CAMK2D: variants seen among roughly 807,000 people sequenced by gnomAD.
The protein encoded by CAMK2D is calcium/calmodulin-dependent protein kinase type II subunit delta.
In CAMK2D, 37 loss-of-function variants were observed where a neutral mutation model predicts 84.0. That is an observed-to-expected ratio of 0.44 (90% CI 0.34 to 0.58). The LOEUF is 0.58. Among genes scored for constraint, CAMK2D ranks in the 20% least tolerant of loss-of-function variants. The pLI, the probability that CAMK2D is intolerant of heterozygous loss-of-function variation, is 0.02. For synonymous variants in CAMK2D, 202 were observed against 212.5 expected (o/e 0.95, Z 0.43); for missense variants, 448 against 652.5 (o/e 0.69, Z 3.41).
intron 4 of CAMK2D, among the ~76,000 whole-genome samples, chr4:113,585,724 A>G (rs73841680): frequency 0.033 from 3,974 of 118,642 alleles, 194 homozygotes; most frequent in African/African-American, 0.11. Flanking sequence ...ATCATATAGT[A>G]TAGATAGTAT....
Position 113,531,280 on chromosome 4 carries a change from T to G in CAMK2D, c.537A>C (p.Gly179=). 6.3e-7 allele frequency: 1 copy of G among 1,598,880 alleles called. No homozygotes were observed. Among genetic ancestry groups the G allele is most frequent in the Non-Finnish European group, 8.6e-7 (1 of 1,166,290 alleles). The change falls in exon 8 of 21, where the codon GGA becomes GGC. Residue 179 remains glycine, a synonymous_variant. Coordinates refer to ENST00000511664, the MANE Select transcript of CAMK2D (RefSeq NM_001321571.2). ...QAWFGFAGTP[G]YLSPEVLRKD... Reference sequence around the variant, plus strand: ...TACGTAAAACTTCTGGAGAAAGATATCCAGGTGTGCCAGCAAAACCTAGGG... The same window carrying G: ...TACGTAAAACTTCTGGAGAAAGATAGCCAGGTGTGCCAGCAAAACCTAGGG...
At chr4:113,527,011 C>T (rs1438082069) in intron 8 of CAMK2D, among the ~76,000 whole-genome samples, 1 of 150,462 alleles carries the variant, frequency 6.6e-6, no homozygotes, top group Admixed American at 6.7e-5. Flanking sequence ...ATTTTCCTAA[C>T]AACTTGGGTT....
chr4:113,457,451 AT>A lies in CAMK2D; in HGVS notation c.1418del (p.Asp473ValfsTer64), dbSNP rs2097316747. ...GCATTGTCTTTGGCATTCCACTGCCATCCATGTACTGTGTGAGCCTAATATA... is the reference window on the plus strand; with the variant it reads ...GCATTGTCTTTGGCATTCCACTGCCACCATGTACTGTGTGAGCCTAATATA... ...IAYIRLTQYM[D>X]GSGMPKTMQS... On this transcript the variant is annotated frameshift_variant, in exon 19 of 21. Transcript: ENST00000511664. LOFTEE classifies it high-confidence loss of function. The A allele has an allele frequency of 6.2e-7, 1 of 1,613,892 alleles. No homozygotes were observed. Among genetic ancestry groups the A allele is most frequent in the Admixed American group, 1.7e-5 (1 of 60,000 alleles).
chr4:113,516,358 A>G (rs1426805965), intron 9 of CAMK2D, among the ~76,000 whole-genome samples: 1 of 152,164 alleles, frequency 6.6e-6, no homozygotes. Flanking sequence ...ATAGCAAATG[A>G]GCGGTAGGTT....
intron 19 of CAMK2D, among the ~76,000 whole-genome samples, chr4:113,456,394 C>A (rs760967296): frequency 4.6e-5 from 7 of 152,170 alleles, no homozygotes; most frequent in Non-Finnish European, 7.3e-5. Flanking sequence ...TACCAATAAG[C>A]CTATTTTCAA....
intron 16 of CAMK2D, among the ~76,000 whole-genome samples, chr4:113,466,322 CCTTAA>C (rs1199846882): frequency 1.3e-5 from 2 of 151,494 alleles, no homozygotes; most frequent in African/African-American, 2.4e-5. Flanking sequence ...GTTTTTACTA[CCTTAA>C]CTTGATTGGA....
intron 2 of CAMK2D, among the ~76,000 whole-genome samples, chr4:113,662,319 T>C (rs185403209): frequency 4.6e-5 from 7 of 152,358 alleles, no homozygotes; most frequent in African/African-American, 1.7e-4. Flanking sequence ...CCCTAATTGC[T>C]TGCTCATCTT....
intron 2 of CAMK2D, among the ~76,000 whole-genome samples, chr4:113,756,057 A>G (rs143600722): frequency 6.6e-6 from 1 of 152,148 alleles, no homozygotes; most frequent in African/African-American, 2.4e-5. Flanking sequence ...TGTTCTATGC[A>G]CGCACATGCT....
At chr4:113,492,765 G>A (rs1247637513) in intron 16 of CAMK2D, among the ~76,000 whole-genome samples, 1 of 146,280 alleles carries the variant, frequency 6.8e-6, no homozygotes, top group Non-Finnish European at 1.5e-5. Context: ...CATTATTAAT[G>A]TGTGGGAGTC....
intron 2 of CAMK2D, among the ~76,000 whole-genome samples, chr4:113,724,157 T>C (rs1375062416): frequency 6.6e-6 from 1 of 152,098 alleles, no homozygotes; most frequent in South Asian, 2.1e-4. Flanking sequence ...TAAAATGAAA[T>C]AGAAATTTTT....
intron 3 of CAMK2D, among the ~76,000 whole-genome samples, chr4:113,613,164 T>C (rs2099007537): frequency 6.6e-6 from 1 of 152,194 alleles, no homozygotes; most frequent in South Asian, 2.1e-4. Context: ...TTGCAAGAGT[T>C]ATATTATTTA....
At chr4:113,457,670 CACTA>C (rs1416088133) in intron 18 of CAMK2D, 107 bp from the exon 19 acceptor site, 3 of 792,368 alleles carry the variant, frequency 3.8e-6, no homozygotes, top group African/African-American at 3.5e-5. Flanking sequence ...TTTATTCACT[CACTA>C]ATTAATTAGT....
intron 16 of CAMK2D, among the ~76,000 whole-genome samples, chr4:113,471,165 A>C (rs2097542295): frequency 6.6e-6 from 1 of 152,210 alleles, no homozygotes; most frequent in East Asian, 1.9e-4. Flanking sequence ...CCAGTCTCCC[A>C]GCTCAAAACC....
intron 3 of CAMK2D, among the ~76,000 whole-genome samples, chr4:113,637,362 A>T (rs2154291568): frequency 6.6e-6 from 1 of 152,370 alleles, no homozygotes; most frequent in East Asian, 1.9e-4. Flanking sequence ...TTCTATATTC[A>T]AAATGGAACA....
chr4:113,576,558 C>T lies in CAMK2D; in HGVS notation c.276-24462G>A, dbSNP rs181822922. 1.7e-3 allele frequency among the ~76,000 whole-genome samples: 264 copies of T among 151,324 alleles called. 3 individuals carry two copies. Among genetic ancestry groups the T allele is most frequent in the African/African-American group, 5.8e-3 (240 of 41,208 alleles). On this transcript the variant is annotated intron_variant, in intron 4 of 20. Coordinates refer to ENST00000511664, the MANE Select transcript of CAMK2D (RefSeq NM_001321571.2). ...ACAAGTACACAGAAGGGTATACAGA[C>T]GATAGAAACATACACATTAAAAAAA...
intron 4 of CAMK2D, among the ~76,000 whole-genome samples, chr4:113,603,143 AG>A: frequency 6.6e-6 from 1 of 152,260 alleles, no homozygotes; most frequent in Admixed American, 6.5e-5. Context: ...AACCCTGGAA[AG>A]GATTATTTGA....
intron 2 of CAMK2D, among the ~76,000 whole-genome samples, chr4:113,724,993 G>A (rs1041453207): frequency 2.6e-5 from 4 of 151,386 alleles, no homozygotes; most frequent in South Asian, 2.1e-4. Context: ...ACTTTATCTC[G>A]CATTTAGCTA....
intron 3 of CAMK2D, among the ~76,000 whole-genome samples, chr4:113,650,941 C>CAAAA (rs1274912812): frequency 5.3e-5 from 8 of 152,134 alleles, no homozygotes; most frequent in Non-Finnish European, 1.2e-4. Context: ...CTTTGGTGAA[C>CAAAA]AACTTGGTAT....
intron 2 of CAMK2D, among the ~76,000 whole-genome samples, chr4:113,727,022 T>A (rs956984914): frequency 5.3e-5 from 8 of 152,196 alleles, no homozygotes; most frequent in African/African-American, 1.9e-4. Context: ...GGAGACCCTA[T>A]GTTTGCTAGA....
Sources: allele counts gnomAD v4.1 joint callset (sites outside exome capture counted in the v4.1 genomes callset), GRCh38; gene constraint gnomAD v4.1.1; transcripts MANE v1.5; gene names NCBI Gene and HGNC (gene_info 2026-07-23, HGNC 2026-07-21).